KIAA1328: variants seen among roughly 807,000 people sequenced by gnomAD.
The protein encoded by KIAA1328 is protein hinderin.
KIAA1328 carries 52 observed loss-of-function variants against 68.1 expected under a neutral mutation model. The observed-to-expected ratio is 0.76, with a 90% CI of 0.61 to 0.96. The LOEUF (loss-of-function observed/expected upper bound fraction) is 0.96. Ranked by LOEUF, KIAA1328 falls within the 40% of genes least tolerant of loss-of-function variation. The pLI is 0.00. For missense variants in KIAA1328, 641 were observed against 677.6 expected (o/e 0.95, Z 0.60); for synonymous variants, 232 against 239.4 (o/e 0.97, Z 0.28).
intron 1 of KIAA1328, among the ~76,000 whole-genome samples, chr18:36,829,626 T>C (rs2046391592): frequency 6.6e-6 from 1 of 152,204 alleles, no homozygotes; most frequent in South Asian, 2.1e-4. Context: ...TAGGATTGTC[T>C]TTAGTCTGCA....
intron 5 of KIAA1328, among the ~76,000 whole-genome samples, chr18:36,899,509 A>G (rs1471640583): frequency 6.6e-6 from 1 of 151,972 alleles, no homozygotes; most frequent in Non-Finnish European, 1.5e-5. Flanking sequence ...CTAAATTGCA[A>G]TAAAAGCTTC....
chr18:37,139,558 T>A (rs942476386), intron 7 of KIAA1328, among the ~76,000 whole-genome samples: 1 of 152,192 alleles, frequency 6.6e-6, no homozygotes, highest in Non-Finnish European at 1.5e-5. Context: ...TTGAGTCACT[T>A]AGCACATCAG....
chr18:37,125,929 T>G, intron 7 of KIAA1328, among the ~76,000 whole-genome samples: 1 of 152,174 alleles, frequency 6.6e-6, no homozygotes, highest in East Asian at 1.9e-4. Flanking sequence ...AATTTTTCCC[T>G]GTGTTAATGG....
rs370632303 is a variant in KIAA1328, at chr18:37,172,985, G to C, written c.1427G>C (p.Gly476Ala). ...ATTTTTCATATAGGGACAGTGACAG[G>C]AGTTAGAAAAGATGCGTCTACATCT... The part of the protein sequence containing the change: ...TCRPQRGTVT[G>A]VRKDASTSPM... Residue 476 changes from glycine (G) to alanine (A), a missense_variant, in exon 9 of 10, where the codon GGA becomes GCA. Physicochemically the swap from Gly to Ala is moderately conservative, Grantham distance 60 (BLOSUM62 0). Coordinates refer to ENST00000280020, the MANE Select transcript of KIAA1328 (RefSeq NM_020776.3). The C allele has an allele frequency of 9.2e-5, 148 of 1,611,546 alleles. No homozygotes were observed. Among genetic ancestry groups the C allele is most frequent in the Non-Finnish European group, 1.1e-4 (135 of 1,178,676 alleles).
At chr18:37,140,813 G>A (rs61094352) in intron 7 of KIAA1328, among the ~76,000 whole-genome samples, 1 of 152,238 alleles carries the variant, frequency 6.6e-6, no homozygotes, top group African/African-American at 2.4e-5. Context: ...AGTGAATGAT[G>A]TTGTTCTATT....
At chr18:37,228,814 C>T (rs111317408), downstream of KIAA1328, among the ~76,000 whole-genome samples, 5,160 of 150,278 alleles carry the variant, frequency 0.034, 264 homozygotes, top group African/African-American at 0.12. Flanking sequence ...AGCAAGATTC[C>T]ATCTCAGAAA....
chr18:37,041,197 T>C (rs1177543322), intron 6 of KIAA1328, among the ~76,000 whole-genome samples: 3 of 151,938 alleles, frequency 2.0e-5, no homozygotes, highest in Non-Finnish European at 4.4e-5. Flanking sequence ...TTCAATTTTG[T>C]CAATTTTTAT....
chr18:37,142,951 T>G (rs1198711552), intron 7 of KIAA1328, among the ~76,000 whole-genome samples: 4 of 151,284 alleles, frequency 2.6e-5, no homozygotes, highest in Admixed American at 6.6e-5. Context: ...GGTTTTTTTT[T>G]TTTGTTTTTT....
At chr18:36,834,582 G>A (rs566596206) in intron 2 of KIAA1328, among the ~76,000 whole-genome samples, 3 of 152,062 alleles carry the variant, frequency 2.0e-5, no homozygotes, top group Non-Finnish European at 4.4e-5. Context: ...TGAACTTGTA[G>A]AACACTTCAT....
intron 5 of KIAA1328, among the ~76,000 whole-genome samples, chr18:36,949,384 GAAA>G (rs1795370396): frequency 6.6e-6 from 1 of 152,094 alleles, no homozygotes; most frequent in African/African-American, 2.4e-5. Flanking sequence ...ATAAAAACAT[GAAA>G]TCAAAGTTCT....
intron 7 of KIAA1328, among the ~76,000 whole-genome samples, chr18:37,133,525 A>T (rs1292946679): frequency 3.0e-5 from 4 of 134,614 alleles, no homozygotes; most frequent in Non-Finnish European, 3.1e-5. Context: ...CTATATAGTA[A>T]TTTTTTTTTT....
At chr18:37,024,200 A>G (rs2054465085) in intron 6 of KIAA1328, among the ~76,000 whole-genome samples, 1 of 151,786 alleles carries the variant, frequency 6.6e-6, no homozygotes, top group African/African-American at 2.4e-5. Flanking sequence ...TGCTATGTTG[A>G]TCGGGCTGGT....
In KIAA1328 at chr18:37,159,544, T is replaced by C. The variant is rs541787197; in HGVS notation, c.1233-656T>C. On this transcript the variant is annotated intron_variant, in intron 7 of 9. Transcript: ENST00000280020. ...AGATAACACATCATTAGAATATTTT[T>C]CCCTAAAATAAGAAAATATTATAAG... 2.6e-5 allele frequency among the ~76,000 whole-genome samples: 4 copies of C among 152,302 alleles called. No homozygotes were observed. In the South Asian group the frequency reaches 6.2e-4, roughly 24 times the overall value.
At chr18:36,862,559 T>C (rs968941582) in intron 4 of KIAA1328, among the ~76,000 whole-genome samples, 4 of 152,206 alleles carry the variant, frequency 2.6e-5, no homozygotes, top group African/African-American at 9.6e-5. Context: ...TACTGCTGAC[T>C]GGTATTCCAT....
At chr18:37,111,818 C>A (rs1003061009) in intron 7 of KIAA1328, among the ~76,000 whole-genome samples, 9 of 152,196 alleles carry the variant, frequency 5.9e-5, no homozygotes, top group African/African-American at 9.6e-5. Context: ...GGGACACTCC[C>A]ACTCTAACAT....
intron 6 of KIAA1328, among the ~76,000 whole-genome samples, chr18:36,989,580 C>G (rs915613414): frequency 7.2e-5 from 11 of 152,176 alleles, no homozygotes; most frequent in African/African-American, 2.7e-4. Context: ...AGACCTTCAG[C>G]CCCAGGAAAT....
At chr18:36,909,549 G>A (rs1351360627) in intron 5 of KIAA1328, among the ~76,000 whole-genome samples, 1 of 152,074 alleles carries the variant, frequency 6.6e-6, no homozygotes, top group East Asian at 1.9e-4. Flanking sequence ...GGACATTTGG[G>A]TTGGTTCCAA....
At chr18:36,926,464 G>A (rs761827937) in intron 5 of KIAA1328, among the ~76,000 whole-genome samples, 10 of 151,620 alleles carry the variant, frequency 6.6e-5, no homozygotes, top group Admixed American at 2.6e-4. Flanking sequence ...CTCACACATC[G>A]TATCAGGGTC....
intron 9 of KIAA1328, among the ~76,000 whole-genome samples, chr18:37,219,338 C>G (rs1343389899): frequency 6.6e-6 from 1 of 152,220 alleles, no homozygotes; most frequent in Non-Finnish European, 1.5e-5. Context: ...AAACACCATG[C>G]TGGGAAAACC....
Sources: gnomAD v4.1 joint callset for allele counts (sites outside exome capture counted in the v4.1 genomes callset) on GRCh38, gnomAD v4.1.1 for gene constraint, MANE v1.5 for transcripts, NCBI Gene and HGNC (gene_info 2026-07-23, HGNC 2026-07-21) for gene names.